TRAF3: variants seen among roughly 807,000 people sequenced by gnomAD.
TRAF3 encodes TNF receptor-associated factor 3.
Under a neutral mutation model 62.3 loss-of-function variants are expected in TRAF3, and 13 were observed. The observed-to-expected ratio is 0.21, with a 90% CI of 0.14 to 0.33. TRAF3 has a LOEUF of 0.33. TRAF3 is among the 10% of genes least tolerant of loss of function. The pLI, the probability that TRAF3 is intolerant of heterozygous loss-of-function variation, is 1.00. For missense variants in TRAF3, 440 were observed against 741.8 expected (o/e 0.59, Z 4.73); for synonymous variants, 269 against 283.4 (o/e 0.95, Z 0.51).
chr14:102,901,091 G>A (rs796198561), intron 10 of TRAF3, among the ~76,000 whole-genome samples: 40 of 152,320 alleles, frequency 2.6e-4, no homozygotes, highest in African/African-American at 7.2e-4. Context: ...TCATGGAGAC[G>A]CCTTTTATTT....
chr14:102,883,274 G>C (rs1889171160), intron 6 of TRAF3, among the ~76,000 whole-genome samples: 1 of 152,210 alleles, frequency 6.6e-6, no homozygotes, highest in South Asian at 2.1e-4. Flanking sequence ...GCAGTTATTT[G>C]CAATAGGCAG....
At chr14:102,802,810 C>T (rs931323091) in intron 1 of TRAF3, among the ~76,000 whole-genome samples, 12 of 151,842 alleles carry the variant, frequency 7.9e-5, no homozygotes, top group Admixed American at 2.0e-4. Context: ...CCTGGGCAAC[C>T]GAGCAAGACT....
chr14:102,865,317 T>A (rs1347515443), intron 2 of TRAF3, among the ~76,000 whole-genome samples: 2 of 152,226 alleles, frequency 1.3e-5, no homozygotes, highest in Non-Finnish European at 2.9e-5. Context: ...CTTCAGCTTT[T>A]GTTTAGAAAG....
At chr14:102,888,177 A>C (rs544880670) in intron 7 of TRAF3, among the ~76,000 whole-genome samples, 2 of 152,338 alleles carry the variant, frequency 1.3e-5, no homozygotes, top group South Asian at 4.1e-4. Flanking sequence ...ATGACACTGG[A>C]AGAATACATT....
chr14:102,893,735 G>A (rs1002353311), intron 9 of TRAF3, among the ~76,000 whole-genome samples: 13 of 152,304 alleles, frequency 8.5e-5, no homozygotes, highest in African/African-American at 3.1e-4. Flanking sequence ...GCATAACTGT[G>A]CACTTCCCTC....
Position 102,906,605 on chromosome 14 carries a change from C to T in TRAF3, c.*821C>T, listed in dbSNP as rs936734629. On this transcript the variant is annotated 3_prime_UTR_variant, in exon 12 of 12. Transcript: ENST00000392745. ...GACTTCACAATTCTGAACGGAGCCT[C>T]GCTCATGGATGCTGTGCATCATTTT... The T allele has an allele frequency of 3.9e-5, 6 of 152,366 alleles. No homozygotes were observed. In the East Asian group the frequency reaches 7.7e-4, roughly 20 times the overall value. 9.4% of individuals were successfully genotyped at this position (152,366 alleles called of 1,614,324 possible).
intron 1 of TRAF3, among the ~76,000 whole-genome samples, chr14:102,794,145 G>A (rs1295532619): frequency 6.6e-6 from 1 of 151,024 alleles, no homozygotes; most frequent in Non-Finnish European, 1.5e-5. Context: ...TCTAGGAGAG[G>A]AAGTGGAAGC....
intron 10 of TRAF3, 146 bp downstream of exon 10, chr14:102,897,547 T>A (rs1327778172): frequency 5.3e-6 from 6 of 1,138,324 alleles, no homozygotes; most frequent in Non-Finnish European, 7.5e-6. Flanking sequence ...AAGTGAAGGC[T>A]TAGAAAAGGC....
rs192831228 is a variant in TRAF3 at position 102,861,004 on chromosome 14, G to A, written c.-17-9181G>A. On this transcript the variant is annotated intron_variant, in intron 2 of 11. Coordinates refer to ENST00000392745, the MANE Select transcript of TRAF3 (RefSeq NM_145725.3). The stretch of plus-strand genomic sequence containing the variant: ...GTGGCCCTGAATAACAGAAAAGATA[G>A]GAAAGGGAAAGGAAAGAAAGGGAGA... Among the ~76,000 whole-genome samples the A allele has an allele frequency of 1.7e-3, 261 of 152,318 alleles. 1 individual carries two copies. Among genetic ancestry groups the A allele is most frequent in the African/African-American group, 6.2e-3 (256 of 41,574 alleles).
At chr14:102,900,217 GGTAGGCCGGA>G (rs1054209049) in intron 10 of TRAF3, among the ~76,000 whole-genome samples, 10 of 147,206 alleles carry the variant, frequency 6.8e-5, no homozygotes, top group African/African-American at 2.6e-4. Flanking sequence ...AGCCTAGGCC[GGTAGGCCGGA>G]CACGGTGGCT....
At chr14:102,819,824 G>A (rs181277683) in intron 1 of TRAF3, among the ~76,000 whole-genome samples, 77 of 152,328 alleles carry the variant, frequency 5.1e-4, no homozygotes, top group Non-Finnish European at 1.0e-4. Flanking sequence ...CACACTAAGT[G>A]GGACAGTGAG....
chr14:102,811,873 G>A (rs919916985), intron 1 of TRAF3, among the ~76,000 whole-genome samples: 2 of 141,090 alleles, frequency 1.4e-5, no homozygotes, highest in Admixed American at 7.2e-5. Flanking sequence ...TCAGCCTCCC[G>A]AGTAGCTAGG....
At chr14:102,780,512 A>C (rs1811948944) in intron 1 of TRAF3, among the ~76,000 whole-genome samples, 1 of 148,338 alleles carries the variant, frequency 6.7e-6, no homozygotes, top group Admixed American at 6.9e-5. Context: ...ACTATTAAGC[A>C]TAATACCTTT....
intron 2 of TRAF3, among the ~76,000 whole-genome samples, chr14:102,857,994 C>T (rs1405314486): frequency 6.6e-6 from 1 of 152,166 alleles, no homozygotes; most frequent in African/African-American, 2.4e-5. Flanking sequence ...CAAAAGTTTT[C>T]TTGGCTCTGA....
At chr14:102,781,645 G>C (rs1046311789) in intron 1 of TRAF3, among the ~76,000 whole-genome samples, 1 of 151,936 alleles carries the variant, frequency 6.6e-6, no homozygotes, top group Non-Finnish European at 1.5e-5. Flanking sequence ...TATTTTATTT[G>C]AAACAGGGGC....
chr14:102,876,641 T>C (rs1595385567), intron 6 of TRAF3, 116 bp downstream of exon 6: 1 of 1,385,214 alleles, frequency 7.2e-7, no homozygotes, highest in East Asian at 2.5e-5. Context: ...AACTCATAGA[T>C]AATCCGTTCC....
intron 4 of TRAF3, among the ~76,000 whole-genome samples, chr14:102,874,562 C>A (rs1274415898): frequency 6.6e-6 from 1 of 151,762 alleles, no homozygotes; most frequent in East Asian, 1.9e-4. Flanking sequence ...CCCAGTCAAC[C>A]CTGTCTCTTA....
intron 2 of TRAF3, among the ~76,000 whole-genome samples, chr14:102,836,101 T>G (rs1343203918): frequency 6.6e-6 from 1 of 152,172 alleles, no homozygotes; most frequent in Non-Finnish European, 1.5e-5. Flanking sequence ...TGGTGGGTGC[T>G]TTGGTCCCAA....
intron 1 of TRAF3, among the ~76,000 whole-genome samples, chr14:102,778,161 G>A (rs1021233309): frequency 1.7e-4 from 26 of 151,114 alleles, no homozygotes; most frequent in African/African-American, 6.3e-4. Flanking sequence ...CCGCCTCAGA[G>A]GCGCCTCCGA....
Sources: allele counts gnomAD v4.1 joint callset (sites outside exome capture counted in the v4.1 genomes callset), GRCh38; gene constraint gnomAD v4.1.1; transcripts MANE v1.5; gene names NCBI Gene and HGNC (gene_info 2026-07-23, HGNC 2026-07-21).